Variants in HCN2 observed in about 807,000 individuals in gnomAD.
HCN2 encodes hyperpolarization activated cyclic nucleotide gated potassium and sodium channel 2.
Under a neutral mutation model 52.3 loss-of-function variants are expected in HCN2, and 20 were observed. That is an observed-to-expected ratio of 0.38 (90% CI 0.27 to 0.56). The LOEUF is 0.56. Among genes scored for constraint, HCN2 ranks in the 20% least tolerant of loss-of-function variants. The probability of loss-of-function intolerance (pLI) is 0.71; values close to 1 mark genes in which losing one functional copy is unlikely to be tolerated. For missense variants in HCN2, 981 were observed against 1,207.7 expected (o/e 0.81, Z 2.78); for synonymous variants, 694 against 537.0 (o/e 1.29, Z -4.04).
intron 4 of HCN2, 91 bp downstream of exon 4, chr19:608,273 T>C: frequency 2.5e-6 from 3 of 1,211,564 alleles, no homozygotes; most frequent in South Asian, 1.3e-5. Flanking sequence ...GGCCCTGGGG[T>C]CTGATGGAGG....
At chr19:598,190 A>G (rs1360575819) in intron 1 of HCN2, among the ~76,000 whole-genome samples, 1 of 152,116 alleles carries the variant, frequency 6.6e-6, no homozygotes, top group African/African-American at 2.4e-5. Flanking sequence ...TGGGGGCCTG[A>G]GCCCTCATGT....
intron 1 of HCN2, among the ~76,000 whole-genome samples, chr19:595,812 C>G (rs145432806): frequency 0.034 from 5,202 of 152,346 alleles, 127 homozygotes; most frequent in Middle Eastern, 0.11. Context: ...CTGAGAGTGC[C>G]GTCTCCTAAT....
At chr19:611,780 G>A (rs375087877) in intron 5 of HCN2, among the ~76,000 whole-genome samples, 39 of 152,184 alleles carry the variant, frequency 2.6e-4, no homozygotes, top group African/African-American at 7.5e-4. Flanking sequence ...CTCACTCCCC[G>A]TCCCCAGCCC....
chr19:608,304 G>A, intron 4 of HCN2, 122 bp downstream of exon 4: 1 of 875,266 alleles, frequency 1.1e-6, no homozygotes. Flanking sequence ...CGGTCCTGGG[G>A]TCTGAGGCTG....
rs751189514 is a variant in HCN2 at position 605,192 on chromosome 19, C to A, written c.1188C>A (p.Arg396=). Residue 396 remains arginine (R), a synonymous_variant, in exon 3 of 8, where the codon CGC becomes CGA. Transcript: ENST00000251287. Reference sequence around the variant, plus strand: ...TGCCTATGCTGCAGGACTTCCCGCGCAACTGCTGGGTGTCCATCAATGGCA... The same window carrying A: ...TGCCTATGCTGCAGGACTTCCCGCGAAACTGCTGGGTGTCCATCAATGGCA... ...FLVPMLQDFP[R]NCWVSINGMV... 6.2e-7 allele frequency: 1 copy of A among 1,610,894 alleles called. No homozygotes were observed. The highest frequency in any genetic ancestry group is 8.5e-7 in the Non-Finnish European group (1 of 1,179,550).
chr19:613,932 G>A lies in HCN2; in HGVS notation c.1906G>A (p.Asp636Asn). The A allele has an allele frequency of 5.7e-6, 9 of 1,582,060 alleles. No homozygotes were observed. Among genetic ancestry groups the A allele is most frequent in the Non-Finnish European group, 7.7e-6 (9 of 1,164,610 alleles). Residue 636 changes from aspartate to asparagine, a missense_variant, in exon 7 of 8, where the codon GAC (aspartate) becomes AAC (asparagine). Around this residue, in one of 6 missense-constraint regions of HCN2, gnomAD observed 85 missense variants for 106.1 expected, o/e 0.80. Coordinates refer to ENST00000251287, the MANE Select transcript of HCN2 (RefSeq NM_001194.4). ...CTGCCGCCTCTATTCGCTGAGCGTG[G>A]ACAACTTCAACGAGGTGCTGGAGGA... ...TYCRLYSLSVDNFNEVLEEYP... is the reference protein window; with the variant it reads ...TYCRLYSLSVNNFNEVLEEYP...
chr19:605,120 C>A lies in HCN2; in HGVS notation c.1116C>A (p.Ser372Arg). The A allele has an allele frequency of 6.2e-7, 1 of 1,612,050 alleles. No individual in the cohort carries two copies. Among genetic ancestry groups the A allele is most frequent in the Non-Finnish European group, 8.5e-7 (1 of 1,179,560 alleles). Residue 372 changes from serine to arginine, a missense_variant, in exon 3 of 8, where the codon AGC (serine) becomes AGA (arginine). Coordinates refer to ENST00000251287, the MANE Select transcript of HCN2 (RefSeq NM_001194.4). ...TGATGAGGATCTGCAATCTCATCAG[C>A]ATGATGCTGCTGCTCTGCCACTGGG... ...SAVMRICNLISMMLLLCHWDG... is the reference protein window; with the variant it reads ...SAVMRICNLIRMMLLLCHWDG...
rs199887957 is a variant in HCN2 at position 605,019 on chromosome 19, G to A, written c.1057-42G>A. 369 of 1,577,850 alleles carry A rather than the reference G, an allele frequency of 2.3e-4. No homozygotes were observed. The African/African-American group carries it at 3.8e-3, about 16-fold the overall frequency. ...GGCTGGGGCTCTGAAGGTGGGGGCC[G>A]GGGGTCAGCGGGTAGGGTGGGCTCA... On this transcript the variant is annotated intron_variant, in intron 2 of 7. Transcript: ENST00000251287.
Position 617,090 on chromosome 19 carries a change from C to T in HCN2, c.*616C>T, listed in dbSNP as rs1984000558. On this transcript the variant is annotated 3_prime_UTR_variant, in exon 8 of 8. Coordinates refer to ENST00000251287, the MANE Select transcript of HCN2 (RefSeq NM_001194.4). ...ACGAGCCGAGGCAGCAGTGCCCCCA[C>T]CGTGGCCCCCCACGCCCCATTAACC... 1.7e-6 allele frequency: 1 copy of T among 582,100 alleles called. No individual in the cohort carries two copies. The highest frequency in any genetic ancestry group is 3.1e-6 in the Non-Finnish European group (1 of 327,798). The allele number at this position is 582,100 out of a possible 1,614,324, so 36.1% of individuals were successfully genotyped here.
chr19:597,974 C>G (rs1035891605), intron 1 of HCN2, among the ~76,000 whole-genome samples: 4 of 152,236 alleles, frequency 2.6e-5, no homozygotes, highest in Non-Finnish European at 5.9e-5. Flanking sequence ...GCCTTCTCAA[C>G]TGCTCTTTCC....
At position 612,421 on chromosome 19, in the gene HCN2, T is replaced by A. The variant is rs898079813; in HGVS notation, c.1585-827T>A. ...GTGTGTGTGTGTGTGTGTGTGTGTG[T>A]GTGTGTGAGAGAGAGATGGAGTCTC... On this transcript the variant is annotated intron_variant, in intron 5 of 7. Coordinates refer to ENST00000251287, the MANE Select transcript of HCN2 (RefSeq NM_001194.4). 4.1e-3 allele frequency among the ~76,000 whole-genome samples: 435 copies of A among 105,804 alleles called. 6 individuals are homozygous for A. The highest frequency in any genetic ancestry group is 9.1e-3 in the African/African-American group (279 of 30,782). 69.4% of individuals were successfully genotyped at this position (105,804 alleles called of 152,430 possible). A position where few individuals can be genotyped will look rare whatever the true frequency, so the allele number is the denominator to read the frequency against.
At chr19:614,886 T>C (rs1456679166) in intron 7 of HCN2, among the ~76,000 whole-genome samples, 1 of 152,044 alleles carries the variant, frequency 6.6e-6, no homozygotes, top group Non-Finnish European at 1.5e-5. Flanking sequence ...TGGCGGCTCA[T>C]GCTGCTGTTC....
At chr19:613,795 G>C in intron 6 of HCN2, 57 bp from the exon 7 acceptor site, 1 of 1,433,972 alleles carries the variant, frequency 7.0e-7, no homozygotes, top group South Asian at 1.5e-5. Flanking sequence ...GTGCCTGGGC[G>C]GGGAGGGCCG....
chr19:616,933 G>C lies in HCN2; in HGVS notation c.*459G>C, dbSNP rs1361631376. Reference sequence around the variant, plus strand: ...TCACGCAATAACCGGCCCGGCCCCCGTCCGCGCGCGTCCCCCGGTGACCTC... The same window carrying C: ...TCACGCAATAACCGGCCCGGCCCCCCTCCGCGCGCGTCCCCCGGTGACCTC... On this transcript the variant is annotated 3_prime_UTR_variant, in exon 8 of 8. Coordinates refer to ENST00000251287, the MANE Select transcript of HCN2 (RefSeq NM_001194.4). 1.7e-5 allele frequency: 6 copies of C among 351,982 alleles called. No homozygotes were observed. The highest frequency in any genetic ancestry group is 2.7e-5 in the Non-Finnish European group (5 of 187,682). 21.8% of individuals were successfully genotyped at this position (351,982 alleles called of 1,614,324 possible).
intron 3 of HCN2, among the ~76,000 whole-genome samples, chr19:607,753 T>A (rs900352347): frequency 3.9e-5 from 6 of 152,122 alleles, no homozygotes; most frequent in Non-Finnish European, 7.4e-5. Context: ...AGCGGGCAGG[T>A]AGAATCAGCC....
chr19:593,291 G>A (rs1037682156), intron 1 of HCN2, among the ~76,000 whole-genome samples: 4 of 152,234 alleles, frequency 2.6e-5, no homozygotes, highest in Non-Finnish European at 5.9e-5. Flanking sequence ...CCAGATTTCG[G>A]CTCTCAGGCC....
At chr19:612,556 G>A (rs11880636) in intron 5 of HCN2, among the ~76,000 whole-genome samples, 2,807 of 152,048 alleles carry the variant, frequency 0.018, 87 homozygotes, top group African/African-American at 0.065. Flanking sequence ...TGGGATTACA[G>A]GCACCCGCCA....
rs773040306 is a variant in HCN2, at chr19:608,095, G to A, written c.1350G>A (p.Val450=). The A allele has an allele frequency of 1.2e-6, 2 of 1,613,320 alleles. No homozygotes were observed. The highest frequency in any genetic ancestry group is 4.5e-5 in the East Asian group (2 of 44,888). The part of the protein sequence containing the change: ...DIWLTMLSMI[V]GATCYAMFIG... ...GGCTGACCATGCTCAGCATGATTGT[G>A]GGTGCCACCTGCTACGCCATGTTCA... The change falls in exon 4 of 8, where the codon GTG becomes GTA. Residue 450 remains valine, a synonymous_variant. Coordinates refer to ENST00000251287, the MANE Select transcript of HCN2 (RefSeq NM_001194.4).
intron 1 of HCN2, among the ~76,000 whole-genome samples, chr19:595,241 C>T (rs1982990695): frequency 6.6e-6 from 1 of 151,970 alleles, no homozygotes; most frequent in Non-Finnish European, 1.5e-5. Context: ...ATATTCAAGT[C>T]ACCTTCATCA....
Sources: gnomAD v4.1 joint callset for allele counts (sites outside exome capture counted in the v4.1 genomes callset) on GRCh38, gnomAD v4.1.1 for gene constraint, gnomAD v4.1.1 regional missense constraint, MANE v1.5 for transcripts, NCBI Gene and HGNC (gene_info 2026-07-23, HGNC 2026-07-21) for gene names.